Variants in CFAP54 observed in about 807,000 individuals in gnomAD.
The protein encoded by CFAP54 is cilia and flagella associated protein 54, also known as cilia- and flagella-associated protein 54.
CFAP54 carries 290 observed loss-of-function variants against 370.4 expected under a neutral mutation model. That is an observed-to-expected ratio of 0.78 (90% CI 0.71 to 0.86). The LOEUF (loss-of-function observed/expected upper bound fraction) is 0.86. Among genes scored for constraint, CFAP54 ranks in the 40% least tolerant of loss-of-function variants. CFAP54 has a pLI of 0.00. For missense variants in CFAP54, 3,399 were observed against 3,528.7 expected, an observed-to-expected ratio of 0.96 and a Z score of 0.93; for synonymous variants, 1,206 against 1,236.5, an observed-to-expected ratio of 0.98 and a Z score of 0.52.
rs1428523236 is a variant in CFAP54 at position 96,522,204 on chromosome 12, G to GTCT, written c.1158+19_1158+21dup. ...AAGTACAAACTGTAAGTCTAAACAT[G>GTCT]TCTTCTCTCTTTAAGACTCTTTTTG... On this transcript the variant is annotated intron_variant, in intron 8 of 67. Coordinates refer to ENST00000524981, the MANE Select transcript of CFAP54 (RefSeq NM_001306084.2). 3.4e-6 allele frequency: 5 copies of GTCT among 1,467,926 alleles called. No individual in the cohort carries two copies. The highest frequency in any genetic ancestry group is 4.9e-5 in the East Asian group (2 of 40,598). The allele number at this position is 1,467,926 out of a possible 1,614,324, so 90.9% of individuals were successfully genotyped here. A position where few individuals can be genotyped will look rare whatever the true frequency, so the allele number is the denominator to read the frequency against.
intron 12 of CFAP54, 81 bp downstream of exon 12, chr12:96,535,681 A>G (rs1301733753): frequency 1.2e-6 from 1 of 855,924 alleles, no homozygotes; most frequent in Non-Finnish European, 1.8e-6. Context: ...TTAAAATATC[A>G]CAGGAATTAC....
intron 60 of CFAP54, among the ~76,000 whole-genome samples, chr12:96,768,595 AG>A (rs756933578): frequency 6.6e-6 from 1 of 152,072 alleles, no homozygotes; most frequent in Non-Finnish European, 1.5e-5. Flanking sequence ...CAGAGGTTGC[AG>A]TGAGCCGAGA....
At chr12:96,541,595 CTCTTT>C (rs1182911112) in intron 14 of CFAP54, among the ~76,000 whole-genome samples, 1 of 152,020 alleles carries the variant, frequency 6.6e-6, no homozygotes, top group Non-Finnish European at 1.5e-5. Context: ...CACCTCTCCT[CTCTTT>C]TATCTTCCTT....
At chr12:96,841,529 T>G (rs1716325921) in intron 66 of CFAP54, among the ~76,000 whole-genome samples, 1 of 152,058 alleles carries the variant, frequency 6.6e-6, no homozygotes, top group African/African-American at 2.4e-5. Context: ...GTTTTTAAAT[T>G]TAAATAAATA....
At chr12:96,615,633 C>T (rs373378896) in intron 26 of CFAP54, among the ~76,000 whole-genome samples, 16 of 152,214 alleles carry the variant, frequency 1.1e-4, no homozygotes, top group South Asian at 4.1e-4. Flanking sequence ...GGCTAATATC[C>T]GGAATCTACA....
At chr12:96,844,435 C>T (rs1486240742) in intron 66 of CFAP54, among the ~76,000 whole-genome samples, 7 of 152,124 alleles carry the variant, frequency 4.6e-5, no homozygotes, top group Non-Finnish European at 8.8e-5. Flanking sequence ...ATAGATTCTC[C>T]CCTTAGAGCC....
intron 67 of CFAP54, among the ~76,000 whole-genome samples, chr12:96,869,258 G>A (rs1156934004): frequency 6.6e-6 from 1 of 152,004 alleles, no homozygotes; most frequent in Non-Finnish European, 1.5e-5. Flanking sequence ...GAACAATGTT[G>A]CTGGTTAAAA....
chr12:96,536,175 C>T (rs11108571), intron 12 of CFAP54, among the ~76,000 whole-genome samples: 15,249 of 152,112 alleles, frequency 0.1, 1,250 homozygotes, highest in East Asian at 0.45. Context: ...GTTTGCTGCA[C>T]CTCCTACTTA....
Position 96,691,321 on chromosome 12 carries a change from T to C in CFAP54, c.6264+11T>C, listed in dbSNP as rs1957385786. 1 of 1,557,598 alleles carries C rather than the reference T, an allele frequency of 6.4e-7. No homozygotes were observed. The highest frequency in any genetic ancestry group is 8.7e-7 in the Non-Finnish European group (1 of 1,153,892). On this transcript the variant is annotated intron_variant, in intron 44 of 67. Coordinates refer to ENST00000524981, the MANE Select transcript of CFAP54 (RefSeq NM_001306084.2). ...AGGCAAAACCTAATAGTAAGTAATT[T>C]GTAAAATAAAAATTATATATCACTG...
chr12:96,584,049 A>C (rs996097057), intron 22 of CFAP54, among the ~76,000 whole-genome samples: 1 of 152,148 alleles, frequency 6.6e-6, no homozygotes, highest in African/African-American at 2.4e-5. Context: ...TGGCAGGTGA[A>C]GGGGAAATGA....
chr12:96,860,873 C>T lies in CFAP54; in HGVS notation c.9226C>T (p.Leu3076=), dbSNP rs1203962551. ...ATTCAATCTTGAGAGACTTTTTGAT[C>T]TGGCTAATGGTTGCATTTTATCAGG... ...SIFNLERLFD[L]ANGCILSGGS... is the part of the protein sequence containing the mutation. Residue 3076 remains leucine (L), a synonymous_variant, in exon 67 of 68, where the codon CTG becomes TTG. Coordinates refer to ENST00000524981, the MANE Select transcript of CFAP54 (RefSeq NM_001306084.2). 5 of 1,534,180 alleles carry T rather than the reference C, an allele frequency of 3.3e-6. No individual in the cohort carries two copies. The South Asian group carries it at 4.8e-5, about 15-fold the overall frequency.
intron 1 of CFAP54, among the ~76,000 whole-genome samples, chr12:96,496,113 A>G (rs1437970707): frequency 6.6e-6 from 1 of 152,196 alleles, no homozygotes; most frequent in Non-Finnish European, 1.5e-5. Context: ...GTTATTTATT[A>G]CTTGGTATAT....
At chr12:96,492,288 G>T (rs1451907754) in intron 1 of CFAP54, among the ~76,000 whole-genome samples, 1 of 152,126 alleles carries the variant, frequency 6.6e-6, no homozygotes, top group Non-Finnish European at 1.5e-5. Flanking sequence ...CTCTCCAGGG[G>T]CTGAGGTGTT....
chr12:96,708,978 T>TTA (rs1207827592), intron 48 of CFAP54, among the ~76,000 whole-genome samples, 175 bp downstream of exon 48: 9 of 152,164 alleles, frequency 5.9e-5, no homozygotes, highest in Admixed American at 3.3e-4. Context: ...ACATACGTGT[T>TTA]TATATATATA....
intron 55 of CFAP54, among the ~76,000 whole-genome samples, chr12:96,744,893 G>GTGTCCATGTGTTCTCATCCCCTCA (rs1565962653): frequency 6.6e-6 from 1 of 151,816 alleles, no homozygotes; most frequent in African/African-American, 2.4e-5. Context: ...ATTCCCCCTC[G>GTGTCCATGTGTTCTCATCCCCTCA]ACGTGTCCAT....
intron 13 of CFAP54, among the ~76,000 whole-genome samples, chr12:96,539,255 T>G (rs1226999318): frequency 6.6e-6 from 1 of 151,588 alleles, no homozygotes; most frequent in African/African-American, 2.4e-5. Flanking sequence ...GAGATGGGGT[T>G]TCACCATCTT....
chr12:96,830,835 A>G (rs1249681059), intron 66 of CFAP54, among the ~76,000 whole-genome samples: 1 of 150,372 alleles, frequency 6.7e-6, no homozygotes, highest in Non-Finnish European at 1.5e-5. Context: ...AGCGCCCCAT[A>G]CCTGGCTAAT....
In CFAP54 at chr12:96,644,296, C is replaced by T; in HGVS notation, c.4435C>T (p.Pro1479Ser). Reference protein sequence around the residue: ...RFHRLSLEEMPWRAQMNLYLA... With the variant: ...RFHRLSLEEMSWRAQMNLYLA... ...CCATCGTCTATCACTTGAAGAGATG[C>T]CCTGGAGAGCTCAGATGAACCTGTA... Residue 1479 changes from proline to serine, a missense_variant, in exon 33 of 68, where the codon CCC (proline) becomes TCC (serine). Coordinates refer to ENST00000524981, the MANE Select transcript of CFAP54 (RefSeq NM_001306084.2). The T allele has an allele frequency of 1.3e-6, 2 of 1,535,448 alleles. No homozygotes were observed. The highest frequency in any genetic ancestry group is 2.4e-5 in the East Asian group (1 of 40,916).
chr12:96,848,479 A>C (rs1016683171), intron 66 of CFAP54, among the ~76,000 whole-genome samples: 9 of 152,282 alleles, frequency 5.9e-5, no homozygotes, highest in Non-Finnish European at 1.3e-4. Context: ...CAGGTGGATC[A>C]CGAGGTCAAG....
Sources: allele counts gnomAD v4.1 joint callset (sites outside exome capture counted in the v4.1 genomes callset), GRCh38; gene constraint gnomAD v4.1.1; transcripts MANE v1.5; gene names NCBI Gene and HGNC (gene_info 2026-07-23, HGNC 2026-07-21).